Variants in DSG3 observed in about 807,000 individuals in gnomAD.
DSG3 encodes the protein desmoglein-3.
Under a neutral mutation model 85.9 loss-of-function variants are expected in DSG3, and 63 were observed. The observed-to-expected ratio is 0.73, with a 90% CI of 0.60 to 0.90. The LOEUF (loss-of-function observed/expected upper bound fraction) is 0.90. DSG3 is among the 40% of genes least tolerant of loss of function. DSG3 has a pLI of 0.00. For synonymous variants in DSG3, 447 were observed against 441.9 expected (o/e 1.01, Z -0.14); for missense variants, 1,220 against 1,219.9 (o/e 1.00, Z 0.00).
At chr18:31,462,266 T>C (rs1020264817) in intron 8 of DSG3, among the ~76,000 whole-genome samples, 24 of 152,140 alleles carry the variant, frequency 1.6e-4, no homozygotes, top group African/African-American at 5.6e-4. Flanking sequence ...GAAATAAGGT[T>C]TCACCATATT....
chr18:31,468,187 A>C (rs1412444242), intron 11 of DSG3, among the ~76,000 whole-genome samples: 1 of 152,250 alleles, frequency 6.6e-6, no homozygotes, highest in Non-Finnish European at 1.5e-5. Context: ...GTCTATGCTC[A>C]GGACTCAGAT....
chr18:31,469,324 G>T lies in DSG3; in HGVS notation c.1872G>T (p.Leu624=), dbSNP rs368265771. 6.2e-7 allele frequency: 1 copy of T among 1,613,136 alleles called. No homozygotes were observed. The highest frequency in any genetic ancestry group is 8.5e-7 in the Non-Finnish European group (1 of 1,180,044). ...TGGGGCCTGCCGCCATCGGCCTGCT[G>T]CTCCTTGGTCTCCTGCTGCTGCTGT... ...GRLGPAAIGL[L]LLGLLLLLLA... Residue 624 remains leucine (L), a synonymous_variant, in exon 12 of 16, where the codon CTG becomes CTT. Coordinates refer to ENST00000257189, the MANE Select transcript of DSG3 (RefSeq NM_001944.3).
rs1022914420 is a variant in DSG3, at chr18:31,477,615, C to T, written c.*1355C>T. Reference sequence around the variant, plus strand: ...TAAGCCTTGCTTTTAAATTAAACAGCTACAGCCATTTAAGCCTTGAGGATA... The same window carrying T: ...TAAGCCTTGCTTTTAAATTAAACAGTTACAGCCATTTAAGCCTTGAGGATA... On this transcript the variant is annotated 3_prime_UTR_variant, in exon 16 of 16. Coordinates refer to ENST00000257189, the MANE Select transcript of DSG3 (RefSeq NM_001944.3). 6.6e-6 allele frequency: 1 copy of T among 152,162 alleles called. No individual in the cohort carries two copies. Among genetic ancestry groups the T allele is most frequent in the Non-Finnish European group, 1.5e-5 (1 of 68,030 alleles). The allele number at this position is 152,162 out of a possible 1,614,324, so 9.4% of individuals were successfully genotyped here.
Position 31,447,764 on chromosome 18 carries a change from T to C in DSG3, c.-114T>C. The C allele has an allele frequency of 1.2e-6, 1 of 823,692 alleles. No individual in the cohort carries two copies. The allele number at this position is 823,692 out of a possible 1,614,324, so 51.0% of individuals were successfully genotyped here. ...GCATAACAGACCATCTGTAGACTCCTTCGGAAAGCAGCAGAGACGCTGCAG... is the reference window on the plus strand; with the variant it reads ...GCATAACAGACCATCTGTAGACTCCCTCGGAAAGCAGCAGAGACGCTGCAG... On this transcript the variant is annotated 5_prime_UTR_variant, in exon 1 of 16. Transcript: ENST00000257189.
At chr18:31,453,744 A>G (rs2072725004) in intron 1 of DSG3, among the ~76,000 whole-genome samples, 1 of 152,128 alleles carries the variant, frequency 6.6e-6, no homozygotes, top group African/African-American at 2.4e-5. Flanking sequence ...AATTCTCAAG[A>G]TAAGGGAGGT....
chr18:31,457,464 A>G (rs997181970), intron 3 of DSG3, among the ~76,000 whole-genome samples: 1 of 152,202 alleles, frequency 6.6e-6, no homozygotes, highest in Non-Finnish European at 1.5e-5. Context: ...TGGATTGGTC[A>G]TGTATTGATA....
intron 1 of DSG3, among the ~76,000 whole-genome samples, chr18:31,452,497 G>A (rs924137596): frequency 8.8e-6 from 1 of 114,104 alleles, no homozygotes; most frequent in Non-Finnish European, 1.6e-5. Context: ...TCAGCCTTGT[G>A]ACAGAGCGAG....
intron 1 of DSG3, among the ~76,000 whole-genome samples, chr18:31,449,608 CA>C (rs1375857420): frequency 1.3e-5 from 2 of 152,056 alleles, no homozygotes; most frequent in Admixed American, 1.3e-4. Context: ...AGTGGACATG[CA>C]ATTGTTTGAA....
At chr18:31,448,663 A>G (rs1271794036) in intron 1 of DSG3, among the ~76,000 whole-genome samples, 2 of 152,006 alleles carry the variant, frequency 1.3e-5, no homozygotes, top group African/African-American at 4.8e-5. Context: ...AGCAAAAAAA[A>G]AAAAAGAAAA....
intron 8 of DSG3, 103 bp downstream of exon 8, chr18:31,461,515 A>G: frequency 8.9e-7 from 1 of 1,118,508 alleles, no homozygotes; most frequent in Non-Finnish European, 1.3e-6. Context: ...ACTTTATTAC[A>G]GAAAACACAT....
rs748383748 is a variant in DSG3 at position 31,475,619 on chromosome 18, T to C, written c.2386-27T>C. The C allele has an allele frequency of 2.5e-5, 40 of 1,597,034 alleles. 1 individual carries two copies. The South Asian group carries it at 4.5e-4, about 18-fold the overall frequency. ...TCAACTGACTCTTTCTTAAAATTCA[T>C]TTTTTCCCACTTTTTCTCTGTCTTA... On this transcript the variant is annotated intron_variant, in intron 15 of 15. Transcript: ENST00000257189.
At chr18:31,453,975 A>T (rs2072726563) in intron 1 of DSG3, among the ~76,000 whole-genome samples, 1 of 152,088 alleles carries the variant, frequency 6.6e-6, no homozygotes, top group African/African-American at 2.4e-5. Context: ...GTCCAAAATT[A>T]TTATATTAGC....
intron 14 of DSG3, 30 bp from the exon 15 acceptor site, chr18:31,474,091 A>G: frequency 6.3e-7 from 1 of 1,595,608 alleles, no homozygotes; most frequent in Non-Finnish European, 8.6e-7. Context: ...ACAGCATAAG[A>G]TATTACAGAA....
Position 31,459,852 on chromosome 18 carries a change from G to A in DSG3, c.525G>A (p.Leu175=), listed in dbSNP as rs769050506. 6 of 1,613,376 alleles carry A rather than the reference G, an allele frequency of 3.7e-6. No individual in the cohort carries two copies. In the African/African-American group the frequency reaches 6.7e-5, roughly 18 times the overall value. Reference sequence around the variant, plus strand: ...GTTTTCCTGTATTCCTAGACTCACTGGTGATGATACTAAATGCCACAGATG... The same window carrying A: ...GTTTTCCTGTATTCCTAGACTCACTAGTGATGATACTAAATGCCACAGATG... ...EIEENSASNS[L]VMILNATDAD... is the part of the protein sequence containing the mutation. The change falls in exon 6 of 16, where the codon CTG becomes CTA. Residue 175 remains leucine, a synonymous_variant. Coordinates refer to ENST00000257189, the MANE Select transcript of DSG3 (RefSeq NM_001944.3).
rs2072872330 is a variant in DSG3 at position 31,474,190 on chromosome 18, A to AG, written c.2172dup (p.Leu725AlafsTer6). The stretch of plus-strand genomic sequence containing the variant: ...ACTTCAGGAATGGAAATGACCACTA[A>AG]GCTTGGAGCAGCCACTGAATCTGGA... On this transcript the variant is annotated frameshift_variant, in exon 15 of 16. Coordinates refer to ENST00000257189, the MANE Select transcript of DSG3 (RefSeq NM_001944.3). LOFTEE classifies it high-confidence loss of function. The AG allele has an allele frequency of 1.2e-6, 2 of 1,614,202 alleles. No individual in the cohort carries two copies. Among genetic ancestry groups the AG allele is most frequent in the East Asian group, 4.5e-5 (2 of 44,876 alleles).
chr18:31,461,555 A>G, intron 8 of DSG3, 143 bp downstream of exon 8: 3 of 792,590 alleles, frequency 3.8e-6, no homozygotes, highest in Non-Finnish European at 5.9e-6. Context: ...TGTAATCCCC[A>G]TAGAGCCGCT....
At chr18:31,450,736 C>CCT (rs559060516) in intron 1 of DSG3, among the ~76,000 whole-genome samples, 2 of 152,152 alleles carry the variant, frequency 1.3e-5, no homozygotes, top group Non-Finnish European at 2.9e-5. Flanking sequence ...CACCCCACCC[C>CCT]CTGCCTAATG....
intron 14 of DSG3, among the ~76,000 whole-genome samples, 171 bp downstream of exon 14, chr18:31,472,959 C>T (rs113004418): frequency 0.011 from 1,719 of 152,278 alleles, 25 homozygotes; most frequent in African/African-American, 0.033. Context: ...TAGTCAATTC[C>T]CTGACATGTC....
In DSG3 at chr18:31,468,926, A is replaced by G. The variant is rs150912979; in HGVS notation, c.1637-163A>G. Among the ~76,000 whole-genome samples, 10 of 152,306 alleles carry G rather than the reference A, an allele frequency of 6.6e-5. No individual in the cohort carries two copies. In the East Asian group the frequency reaches 1.5e-3, roughly 24 times the overall value. ...GATGAAGTCCAAAGGCCTTTGTCAG[A>G]TTCTGACACCTTGATATTGAGCTTC... On this transcript the variant is annotated intron_variant, in intron 11 of 15. Coordinates refer to ENST00000257189, the MANE Select transcript of DSG3 (RefSeq NM_001944.3).
Sources: gnomAD v4.1 joint callset for allele counts (sites outside exome capture counted in the v4.1 genomes callset) on GRCh38, gnomAD v4.1.1 for gene constraint, MANE v1.5 for transcripts, NCBI Gene and HGNC (gene_info 2026-07-23, HGNC 2026-07-21) for gene names.